Variants in UBE2QL1 observed in about 807,000 individuals in gnomAD.
UBE2QL1 encodes ubiquitin conjugating enzyme E2 QL1, also known as ubiquitin-conjugating enzyme E2Q-like protein 1.
UBE2QL1 carries 5 observed loss-of-function variants against 12.6 expected under a neutral mutation model. That is an observed-to-expected ratio of 0.40 (90% CI 0.21 to 0.83). UBE2QL1 has a LOEUF of 0.83. Among genes scored for constraint, UBE2QL1 ranks in the 40% least tolerant of loss-of-function variants. UBE2QL1 has a pLI of 0.37. For missense variants in UBE2QL1, 99 were observed against 222.6 expected, an observed-to-expected ratio of 0.44 and a Z score of 3.53; for synonymous variants, 96 against 94.5, an observed-to-expected ratio of 1.02 and a Z score of -0.10.
intron 1 of UBE2QL1, among the ~76,000 whole-genome samples, chr5:6,470,763 G>A (rs940865744): frequency 2.6e-5 from 4 of 152,268 alleles, no homozygotes; most frequent in Admixed American, 6.5e-5. Flanking sequence ...AACAACCCAC[G>A]GGGACTGTCC....
chr5:6,468,935 A>G (rs1376082949), intron 1 of UBE2QL1, among the ~76,000 whole-genome samples: 1 of 152,198 alleles, frequency 6.6e-6, no homozygotes, highest in African/African-American at 2.4e-5. Context: ...ATCCTCAATT[A>G]TCACCACCGG....
chr5:6,488,415 GT>G (rs1734504843), intron 1 of UBE2QL1, among the ~76,000 whole-genome samples: 3 of 151,116 alleles, frequency 2.0e-5, no homozygotes, highest in Admixed American at 1.3e-4. Context: ...TTTCAGTATT[GT>G]GGAGAAAAAG....
chr5:6,457,028 C>T (rs944425379), intron 1 of UBE2QL1, among the ~76,000 whole-genome samples: 1 of 151,754 alleles, frequency 6.6e-6, no homozygotes, highest in African/African-American at 2.4e-5. Context: ...CTGCAGTGCC[C>T]CCATCCAGTC....
intron 1 of UBE2QL1, among the ~76,000 whole-genome samples, chr5:6,468,436 C>T (rs79207041): frequency 1.2e-3 from 183 of 152,282 alleles, no homozygotes; most frequent in African/African-American, 4.2e-3. Context: ...TGGAGTCAGG[C>T]AGGCAGTGCA....
At chr5:6,489,460 A>AG (rs1579304118) in intron 1 of UBE2QL1, among the ~76,000 whole-genome samples, 1 of 152,028 alleles carries the variant, frequency 6.6e-6, no homozygotes, top group East Asian at 1.9e-4. Flanking sequence ...TTTTTAAAAA[A>AG]GGAAAAGGTT....
At position 6,448,943 on chromosome 5, in the gene UBE2QL1, T is replaced by C; in HGVS notation, c.50T>C (p.Val17Ala). Residue 17 changes from valine to alanine, a missense_variant, in exon 1 of 2, where the codon GTG becomes GCG. Physicochemically the swap from Val to Ala is moderately conservative, Grantham distance 64 (BLOSUM62 0). Transcript: ENST00000399816. ...CGCCTTAGCGACCGCTTCATCTCCGTGGAGCTGGTGGACGAGAGCCTGTTC... is the reference window on the plus strand; with the variant it reads ...CGCCTTAGCGACCGCTTCATCTCCGCGGAGCTGGTGGACGAGAGCCTGTTC... ...IARLSDRFIS[V>A]ELVDESLFDW... 1 of 1,547,636 alleles carries C rather than the reference T, an allele frequency of 6.5e-7. No individual in the cohort carries two copies. The highest frequency in any genetic ancestry group is 8.7e-7 in the Non-Finnish European group (1 of 1,145,352).
chr5:6,472,250 A>G (rs563478814), intron 1 of UBE2QL1, among the ~76,000 whole-genome samples: 208 of 152,248 alleles, frequency 1.4e-3, no homozygotes, highest in African/African-American at 4.9e-3. Flanking sequence ...TGGGGATGCC[A>G]GCAATCTCCC....
At chr5:6,456,687 C>T (rs1037481289) in intron 1 of UBE2QL1, among the ~76,000 whole-genome samples, 1 of 152,202 alleles carries the variant, frequency 6.6e-6, no homozygotes, top group African/African-American at 2.4e-5. Flanking sequence ...GTCTGCGACC[C>T]TCCCCTGGTC....
rs111499555 is a variant in UBE2QL1 at position 6,488,815 on chromosome 5, A to AAAAG, written c.355-2401_355-2400insAGAA. Reference sequence around the variant, plus strand: ...TGAGACTCTGTCTCAAGAAAAAAAAAAAGAAGAAATTGATGCTAACATCCT... The same window carrying AAAAG: ...TGAGACTCTGTCTCAAGAAAAAAAAAAAAGAAGAAGAAATTGATGCTAACATCCT... On this transcript the variant is annotated intron_variant, in intron 1 of 1. Coordinates refer to ENST00000399816, the MANE Select transcript of UBE2QL1 (RefSeq NM_001145161.3). 4.9e-4 allele frequency among the ~76,000 whole-genome samples: 74 copies of AAAAG among 151,056 alleles called. 1 individual carries two copies. The highest frequency in any genetic ancestry group is 4.4e-3 in the South Asian group (21 of 4,784).
intron 1 of UBE2QL1, among the ~76,000 whole-genome samples, chr5:6,468,808 C>T (rs756786494): frequency 1.3e-5 from 2 of 152,146 alleles, no homozygotes; most frequent in Non-Finnish European, 2.9e-5. Context: ...TACCAGAGTG[C>T]TTGTTTGGGG....
At chr5:6,463,598 G>A (rs865816963) in intron 1 of UBE2QL1, among the ~76,000 whole-genome samples, 2 of 137,308 alleles carry the variant, frequency 1.5e-5, no homozygotes, top group East Asian at 4.1e-4. Flanking sequence ...TATTTGTGCT[G>A]TTATTATTAT....
intron 1 of UBE2QL1, among the ~76,000 whole-genome samples, chr5:6,466,820 C>T (rs1371751514): frequency 2.6e-5 from 4 of 152,172 alleles, no homozygotes; most frequent in South Asian, 2.1e-4. Flanking sequence ...TGTTTTAGTA[C>T]GTGAGAATAA....
At chr5:6,453,097 A>G (rs937540843) in intron 1 of UBE2QL1, among the ~76,000 whole-genome samples, 2 of 152,218 alleles carry the variant, frequency 1.3e-5, no homozygotes, top group Admixed American at 6.5e-5. Context: ...AGCAGGAAGC[A>G]TTTCCTACTT....
At chr5:6,459,610 A>T (rs1175435454) in intron 1 of UBE2QL1, among the ~76,000 whole-genome samples, 1 of 152,268 alleles carries the variant, frequency 6.6e-6, no homozygotes, top group Non-Finnish European at 1.5e-5. Flanking sequence ...ATATTTAAAT[A>T]CAGTTATCAG....
chr5:6,452,456 T>A (rs1311120632), intron 1 of UBE2QL1, among the ~76,000 whole-genome samples: 1 of 151,750 alleles, frequency 6.6e-6, no homozygotes, highest in African/African-American at 2.4e-5. Context: ...TTTAGGTAAC[T>A]CTTAGTTTTT....
intron 1 of UBE2QL1, among the ~76,000 whole-genome samples, chr5:6,474,432 C>A (rs936363553): frequency 6.6e-6 from 1 of 152,226 alleles, no homozygotes; most frequent in Non-Finnish European, 1.5e-5. Flanking sequence ...AGGGCTCCAA[C>A]TCCAGTGCCG....
rs989396691 is a variant in UBE2QL1, at chr5:6,493,480, C to G, written c.*2131C>G. 1 of 152,096 alleles carries G rather than the reference C, an allele frequency of 6.6e-6. No individual in the cohort carries two copies. The highest frequency in any genetic ancestry group is 1.9e-4 in the East Asian group (1 of 5,188). The allele number at this position is 152,096 out of a possible 1,614,324, so 9.4% of individuals were successfully genotyped here. ...TCACGGTGCTCTCTGAGAACTGCACCAAGGGGTGCAGCCAAGAGACTGGTC... is the reference window on the plus strand; with the variant it reads ...TCACGGTGCTCTCTGAGAACTGCACGAAGGGGTGCAGCCAAGAGACTGGTC... On this transcript the variant is annotated 3_prime_UTR_variant, in exon 2 of 2. Coordinates refer to ENST00000399816, the MANE Select transcript of UBE2QL1 (RefSeq NM_001145161.3).
chr5:6,449,875 C>CACA (rs779991702), intron 1 of UBE2QL1, among the ~76,000 whole-genome samples: 1 of 147,900 alleles, frequency 6.8e-6, no homozygotes, highest in Non-Finnish European at 1.5e-5. Flanking sequence ...CCAACCCCCC[C>CACA]CACACACACA....
At chr5:6,486,610 T>C (rs917587398) in intron 1 of UBE2QL1, among the ~76,000 whole-genome samples, 6 of 152,184 alleles carry the variant, frequency 3.9e-5, no homozygotes, top group African/African-American at 1.4e-4. Context: ...ATAAGTTCCA[T>C]AAGGAGCAGA....
Sources: gnomAD v4.1 joint callset for allele counts (sites outside exome capture counted in the v4.1 genomes callset) on GRCh38, gnomAD v4.1.1 for gene constraint, MANE v1.5 for transcripts, NCBI Gene and HGNC (gene_info 2026-07-23, HGNC 2026-07-21) for gene names.